Variants in ZNF469 observed in about 807,000 individuals in gnomAD.
ZNF469 encodes zinc finger protein 469.
ZNF469 carries 1 observed loss-of-function variant against 1.0 expected under a neutral mutation model. That is an observed-to-expected ratio of 1.00 (90% CI 0.35 to 4.73). The LOEUF (loss-of-function observed/expected upper bound fraction) is 4.73. Ranked by LOEUF, ZNF469 falls within the 30% of genes most tolerant of loss-of-function variation. The probability of loss-of-function intolerance (pLI) is 0.16; values close to 1 mark genes in which losing one functional copy is unlikely to be tolerated. For synonymous variants in ZNF469, 2,703 were observed against 2,363.4 expected (o/e 1.14, Z -4.17); for missense variants, 6,100 against 5,356.3 (o/e 1.14, Z -4.33).
chr16:88,133,822 A>G, the ZNF469 span, among the ~76,000 whole-genome samples: 1 of 152,224 alleles, frequency 6.6e-6, no homozygotes, highest in South Asian at 2.1e-4. Flanking sequence ...AGCCGGACAC[A>G]GTGGCTCACG....
At chr16:88,247,174 GTGAA>G in the ZNF469 span, among the ~76,000 whole-genome samples, 1 of 151,356 alleles carries the variant, frequency 6.6e-6, no homozygotes, top group Non-Finnish European at 1.5e-5. Context: ...GAATGACTGA[GTGAA>G]TGAGTGAGTG....
chr16:88,246,048 AG>A, the ZNF469 span, among the ~76,000 whole-genome samples: 1 of 152,294 alleles, frequency 6.6e-6, no homozygotes, highest in South Asian at 2.1e-4. Context: ...AAGGTCAGCC[AG>A]TGCTCAAAGG....
the ZNF469 span, among the ~76,000 whole-genome samples, chr16:88,365,854 C>T: frequency 2.6e-5 from 4 of 152,152 alleles, no homozygotes; most frequent in African/African-American, 7.2e-5. Context: ...CACAAGCTAC[C>T]AGGCTGAGAC....
chr16:88,373,476 C>T, the ZNF469 span, among the ~76,000 whole-genome samples: 1 of 152,298 alleles, frequency 6.6e-6, no homozygotes, highest in African/African-American at 2.4e-5. Flanking sequence ...ACAGAAAGTC[C>T]CCTTGGGAGA....
chr16:88,151,833 A>G, the ZNF469 span, among the ~76,000 whole-genome samples: 1 of 152,240 alleles, frequency 6.6e-6, no homozygotes, highest in African/African-American at 2.4e-5. This position sits in a 1 kb window ranked among gnomAD's most constrained non-coding sequence, Gnocchi z 5.4. Flanking sequence ...TTTTTAAGGC[A>G]CCTTAGTAAA....
chr16:88,369,554 G>A, the ZNF469 span, among the ~76,000 whole-genome samples: 2 of 152,214 alleles, frequency 1.3e-5, no homozygotes, highest in Non-Finnish European at 2.9e-5. Flanking sequence ...GTGACCCTGC[G>A]CAAGTCACTT....
the ZNF469 span, among the ~76,000 whole-genome samples, chr16:88,349,818 G>GCA: frequency 1.7e-3 from 3 of 1,748 alleles, no homozygotes; most frequent in Non-Finnish European, 3.6e-3. Flanking sequence ...CATCACAAAT[G>GCA]CACACACACG....
the ZNF469 span, among the ~76,000 whole-genome samples, chr16:88,364,548 T>C: frequency 7.1e-6 from 1 of 141,240 alleles, no homozygotes; most frequent in African/African-American, 2.6e-5. Context: ...TTGTGTTTAA[T>C]CCAGAGATCA....
the ZNF469 span, among the ~76,000 whole-genome samples, chr16:88,129,098 A>G: frequency 3.4e-4 from 52 of 152,382 alleles, 1 homozygote; most frequent in South Asian, 9.3e-3. Flanking sequence ...ATGCAGTGAT[A>G]AAGCGTTAAA....
At chr16:88,344,377 T>G in the ZNF469 span, among the ~76,000 whole-genome samples, 2 of 152,104 alleles carry the variant, frequency 1.3e-5, no homozygotes. Flanking sequence ...GGACCCTAAG[T>G]GAGGGGTGGA....
chr16:88,239,701 ATATATATATATATATTTTTTTTT>A, the ZNF469 span, among the ~76,000 whole-genome samples: 11 of 8,658 alleles, frequency 1.3e-3, 1 homozygote, highest in South Asian at 9.9e-3. Context: ...ATATATATAT[ATATATATATATATATTTTTTTTT>A]TTTTTTTTTT....
the ZNF469 span, among the ~76,000 whole-genome samples, chr16:88,285,005 G>C: frequency 6.6e-6 from 1 of 152,252 alleles, no homozygotes; most frequent in Non-Finnish European, 1.5e-5. Context: ...AGCCGACTCT[G>C]AGCCCACAGC....
chr16:88,361,000 A>T, the ZNF469 span, among the ~76,000 whole-genome samples: 1 of 152,252 alleles, frequency 6.6e-6, no homozygotes, highest in African/African-American at 2.4e-5. Flanking sequence ...ATTGCAATAT[A>T]TAGTAAGTAA....
chr16:88,302,052 G>T, the ZNF469 span, among the ~76,000 whole-genome samples: 1 of 152,190 alleles, frequency 6.6e-6, no homozygotes, highest in African/African-American at 2.4e-5. Context: ...CCTGGCTCAC[G>T]GGCAGTTCGT....
chr16:88,323,197 C>T, the ZNF469 span, among the ~76,000 whole-genome samples: 1 of 152,200 alleles, frequency 6.6e-6, no homozygotes, highest in South Asian at 2.1e-4. Flanking sequence ...TTCTGCCACG[C>T]AGTCTGCCCC....
At chr16:88,254,296 C>G in the ZNF469 span, among the ~76,000 whole-genome samples, 1 of 152,176 alleles carries the variant, frequency 6.6e-6, no homozygotes, top group Non-Finnish European at 1.5e-5. Flanking sequence ...GCCATGATGT[C>G]TTTACTAAAA....
chr16:88,162,709 C>A, the ZNF469 span, among the ~76,000 whole-genome samples: 1 of 144,594 alleles, frequency 6.9e-6, no homozygotes, highest in Admixed American at 6.8e-5. Flanking sequence ...GTTTGCTTGG[C>A]AGTTTCCCTT....
the ZNF469 span, among the ~76,000 whole-genome samples, chr16:88,346,663 G>A: frequency 1.1e-4 from 16 of 152,144 alleles, no homozygotes; most frequent in Non-Finnish European, 1.9e-4. Context: ...GACTACAGGT[G>A]CGCACCACCA....
the ZNF469 span, among the ~76,000 whole-genome samples, chr16:88,372,796 C>CATT: frequency 1.3e-5 from 2 of 151,852 alleles, no homozygotes; most frequent in Non-Finnish European, 2.9e-5. Context: ...TCATCACCAT[C>CATT]ACCACCATCA....
Sources: gnomAD v4.1 joint callset for allele counts (sites outside exome capture counted in the v4.1 genomes callset) on GRCh38, gnomAD v4.1.1 for gene constraint, Gnocchi (gnomAD v3.1) non-coding constraint, MANE v1.5 for transcripts, NCBI Gene and HGNC (gene_info 2026-07-23, HGNC 2026-07-21) for gene names.